Variants in BRCA1 observed in about 807,000 individuals in gnomAD.
BRCA1 encodes the protein breast cancer type 1 susceptibility protein.
Under a neutral mutation model 173.7 loss-of-function variants are expected in BRCA1, and 140 were observed. The observed-to-expected ratio is 0.81, with a 90% CI of 0.70 to 0.93. The LOEUF is 0.93. Among genes scored for constraint, BRCA1 ranks in the 40% least tolerant of loss-of-function variants. BRCA1 has a pLI of 0.00. For synonymous variants in BRCA1, 662 were observed against 756.0 expected, an observed-to-expected ratio of 0.88 and a Z score of 2.04; for missense variants, 1,983 against 2,172.5, an observed-to-expected ratio of 0.91 and a Z score of 1.73.
chr17:43,091,359 T>A (rs2053463997), intron 10 of BRCA1, 76 bp downstream of exon 10: 1 of 1,562,206 alleles, frequency 6.4e-7, no homozygotes, highest in Non-Finnish European at 8.8e-7. Context: ...TTGTAAAATG[T>A]GCTCCCCAAA....
chr17:43,145,666 T>C (rs1030214938), intron 1 of BRCA1, among the ~76,000 whole-genome samples: 2 of 152,134 alleles, frequency 1.3e-5, no homozygotes, highest in Non-Finnish European at 2.9e-5. Flanking sequence ...TAAATGCAAG[T>C]TTTTTAGTAG....
In BRCA1 at chr17:43,115,710, A is replaced by T. The variant is rs2055238665; in HGVS notation, c.134+16T>A. ...CAAAAGCTAATAATGGAGCCACATAACACATTCAAACTTACTTGCAAAATA... is the reference window on the plus strand; with the variant it reads ...CAAAAGCTAATAATGGAGCCACATATCACATTCAAACTTACTTGCAAAATA... On this transcript the variant is annotated intron_variant, in intron 3 of 22. Coordinates refer to ENST00000357654, the MANE Select transcript of BRCA1 (RefSeq NM_007294.4). 3 of 1,611,482 alleles carry T rather than the reference A, an allele frequency of 1.9e-6. No individual in the cohort carries two copies. In the East Asian group the frequency reaches 6.7e-5, roughly 36 times the overall value.
rs1597825487 is a variant in BRCA1, at chr17:43,067,588, T to C, written c.5074+20A>G. 1 of 1,575,498 alleles carries C rather than the reference T, an allele frequency of 6.3e-7. No individual in the cohort carries two copies. Among genetic ancestry groups the C allele is most frequent in the Non-Finnish European group, 8.7e-7 (1 of 1,145,020 alleles). On this transcript the variant is annotated intron_variant, in intron 16 of 22. Transcript: ENST00000357654. ...TTTATGCAGCAGATGCAAGGTATTC[T>C]GTAAAGGTTCTTGGTATACCTGTTT...
At chr17:43,102,948 CT>C (rs36085989) in intron 6 of BRCA1, among the ~76,000 whole-genome samples, 289 of 146,236 alleles carry the variant, frequency 2.0e-3, no homozygotes, top group Admixed American at 2.3e-3. Context: ...CACCCAGCTA[CT>C]TTTTTTTTTT....
chr17:43,047,919 G>A (rs1038573647), intron 21 of BRCA1, among the ~76,000 whole-genome samples: 18 of 151,912 alleles, frequency 1.2e-4, no homozygotes, highest in African/African-American at 3.9e-4. Flanking sequence ...CTACAGACAC[G>A]TACCACCACC....
At chr17:43,114,103 T>C (rs574518856) in intron 3 of BRCA1, among the ~76,000 whole-genome samples, 1 of 151,538 alleles carries the variant, frequency 6.6e-6, no homozygotes, top group South Asian at 2.1e-4. Flanking sequence ...GGTCTCACTC[T>C]GTCATCTAGG....
At chr17:43,072,110 G>A (rs548599438) in intron 14 of BRCA1, among the ~76,000 whole-genome samples, 21 of 151,914 alleles carry the variant, frequency 1.4e-4, no homozygotes, top group African/African-American at 2.9e-4. Context: ...AGTACAGGCC[G>A]GGTGCGGTGG....
intron 1 of BRCA1, among the ~76,000 whole-genome samples, chr17:43,144,039 T>G (rs969095620): frequency 6.6e-6 from 1 of 151,980 alleles, no homozygotes; most frequent in Non-Finnish European, 1.5e-5. Flanking sequence ...GCTAAGATGG[T>G]GAAACCCTGT....
chr17:43,155,942 A>C (rs976701696), intron 1 of BRCA1, among the ~76,000 whole-genome samples: 2 of 152,174 alleles, frequency 1.3e-5, no homozygotes, highest in African/African-American at 4.8e-5. Flanking sequence ...AACTTTTTAG[A>C]AAAGGATCAC....
intron 18 of BRCA1, among the ~76,000 whole-genome samples, chr17:43,062,813 T>C (rs555629174): frequency 6.6e-6 from 1 of 152,168 alleles, no homozygotes; most frequent in Admixed American, 6.6e-5. Context: ...CCCAGGCTGA[T>C]CTCGAACTCC....
chr17:43,100,595 TTA>T lies in BRCA1; in HGVS notation c.442-717_442-716del, dbSNP rs1488872824. ...ATAACATATATATAACATATATATA[TTA>T]TATATATATAACATATATATAACAT... On this transcript the variant is annotated intron_variant, in intron 6 of 22. Coordinates refer to ENST00000357654, the MANE Select transcript of BRCA1 (RefSeq NM_007294.4). Among the ~76,000 whole-genome samples, 50 of 61,984 alleles carry T rather than the reference TTA, an allele frequency of 8.1e-4. 2 individuals carry two copies. The highest frequency in any genetic ancestry group is 9.6e-4 in the Non-Finnish European group (33 of 34,542). The allele number at this position is 61,984 out of a possible 152,430, so 40.7% of individuals were successfully genotyped here.
chr17:43,135,036 T>C (rs778392498), intron 1 of BRCA1, among the ~76,000 whole-genome samples: 1 of 152,226 alleles, frequency 6.6e-6, no homozygotes, highest in Non-Finnish European at 1.5e-5. Flanking sequence ...CATGGTTTCG[T>C]TGTGGGTGGA....
chr17:43,094,781 C>T lies in BRCA1; in HGVS notation c.750G>A (p.Glu250=), dbSNP rs762867923. Residue 250 remains glutamate, a synonymous_variant, in exon 10 of 23, where the codon GAG becomes GAA. Transcript: ENST00000357654. ...QPSNNDLNTT[E]KRAAERHPEK... ...CTGGATGCCTCTCAGCTGCACGCTT[C>T]TCAGTGGTGTTCAAATCATTATTAC... 6.2e-7 allele frequency: 1 copy of T among 1,613,054 alleles called. No individual in the cohort carries two copies. Among genetic ancestry groups the T allele is most frequent in the Admixed American group, 1.7e-5 (1 of 59,804 alleles).
At chr17:43,123,523 T>A (rs1247459403) in intron 2 of BRCA1, among the ~76,000 whole-genome samples, 3 of 152,076 alleles carry the variant, frequency 2.0e-5, no homozygotes, top group African/African-American at 7.2e-5. Context: ...CTAATTTTTG[T>A]ATTTTTAGTG....
At chr17:43,135,879 C>G (rs2056017237) in intron 1 of BRCA1, among the ~76,000 whole-genome samples, 1 of 152,224 alleles carries the variant, frequency 6.6e-6, no homozygotes, top group Admixed American at 6.5e-5. Flanking sequence ...TCCCGCCTCC[C>G]ATCCCCAGGC....
Position 43,099,881 on chromosome 17 carries a change from C to A in BRCA1, c.442-1G>T, listed in dbSNP as rs1351019392. 3 of 1,606,432 alleles carry A rather than the reference C, an allele frequency of 1.9e-6. No individual in the cohort carries two copies. The Admixed American group carries it at 5.0e-5, about 27-fold the overall frequency. On this transcript the variant is annotated splice_acceptor_variant, in intron 6 of 22. Coordinates refer to ENST00000357654, the MANE Select transcript of BRCA1 (RefSeq NM_007294.4). LOFTEE classifies it high-confidence loss of function. Reference sequence around the variant, plus strand: ...GTTGGACACTGAGACTGGTTTCCTGCTAAACAGTATGGTAAAGAACAGTCA... The same window carrying A: ...GTTGGACACTGAGACTGGTTTCCTGATAAACAGTATGGTAAAGAACAGTCA...
At chr17:43,079,669 G>A (rs1035671111) in intron 12 of BRCA1, 4 of 903,652 alleles carry the variant, frequency 4.4e-6, no homozygotes, top group East Asian at 4.8e-5. Flanking sequence ...AGAAAGGTAC[G>A]TGGGTTCAAC....
At position 43,094,607 on chromosome 17, in the gene BRCA1, G is replaced by T. The variant is rs1555592819; in HGVS notation, c.924C>A (p.Ser308Arg). Residue 308 changes from serine to arginine, a missense_variant, in exon 10 of 23, where the codon AGC becomes AGA. Physicochemically the swap from Ser to Arg is moderately radical, Grantham distance 110. Coordinates refer to ENST00000357654, the MANE Select transcript of BRCA1 (RefSeq NM_007294.4). ...NVEKAEFCNK[S>R]KQPGLARSQH... is the part of the protein sequence containing the mutation. The stretch of plus-strand genomic sequence containing the variant: ...GGCTCCTTGCTAAGCCAGGCTGTTT[G>T]CTTTTATTACAGAATTCAGCCTTTT... The T allele has an allele frequency of 1.2e-6, 2 of 1,614,092 alleles. No individual in the cohort carries two copies. Among genetic ancestry groups the T allele is most frequent in the South Asian group, 2.2e-5 (2 of 91,072 alleles).
In BRCA1 at chr17:43,065,857, C is replaced by T. The variant is rs8176242; in HGVS notation, c.5074+1751G>A. On this transcript the variant is annotated intron_variant, in intron 16 of 22. Transcript: ENST00000357654. ...CCTGTTCCAGATAACAGTTCTCTTC[C>T]GGGTAACGGTTCTTCAGATACTTGA... Among the ~76,000 whole-genome samples the T allele has an allele frequency of 0.3, 45,676 of 151,990 alleles. 7,429 individuals are homozygous for T. Among genetic ancestry groups the T allele is most frequent in the South Asian group, 0.49 (2,370 of 4,816 alleles).
Sources: gnomAD v4.1 joint callset for allele counts (sites outside exome capture counted in the v4.1 genomes callset) on GRCh38, gnomAD v4.1.1 for gene constraint, MANE v1.5 for transcripts, NCBI Gene and HGNC (gene_info 2026-07-23, HGNC 2026-07-21) for gene names.